PPARG: variants seen among roughly 807,000 people sequenced by gnomAD.
PPARG encodes peroxisome proliferator activated receptor gamma, also known as peroxisome proliferator-activated receptor gamma.
A neutral mutation model predicts 39.2 loss-of-function variants in PPARG; 17 were observed. The observed-to-expected ratio is 0.43, with a 90% confidence interval of 0.30 to 0.65. The LOEUF is 0.65. Among genes scored for constraint, PPARG ranks in the 30% least tolerant of loss-of-function variants. PPARG has a pLI of 0.13. For missense variants in PPARG, 406 were observed against 585.9 expected (o/e 0.69, Z 3.17); for synonymous variants, 223 against 215.7 (o/e 1.03, Z -0.30).
At chr3:12,396,965 A>G (rs2050285524) in intron 5 of PPARG, among the ~76,000 whole-genome samples, 1 of 149,336 alleles carries the variant, frequency 6.7e-6, no homozygotes, top group Non-Finnish European at 1.5e-5. Flanking sequence ...GGAGTTGCTG[A>G]AACTATAGGC....
At chr3:12,322,078 G>A (rs950401049) in intron 2 of PPARG, among the ~76,000 whole-genome samples, 2 of 152,172 alleles carry the variant, frequency 1.3e-5, no homozygotes, top group Non-Finnish European at 2.9e-5. Context: ...TGAGAGATAT[G>A]CATTTACAAT....
intron 4 of PPARG, among the ~76,000 whole-genome samples, chr3:12,382,385 A>G (rs1193401800): frequency 1.3e-5 from 2 of 152,220 alleles, no homozygotes; most frequent in African/African-American, 2.4e-5. Context: ...GATAATTTTA[A>G]TATACACAAT....
intron 1 of PPARG, among the ~76,000 whole-genome samples, chr3:12,299,164 A>G (rs912096102): frequency 6.6e-6 from 1 of 152,168 alleles, no homozygotes; most frequent in Non-Finnish European, 1.5e-5. Context: ...GATTTATTCA[A>G]CAAATGTCTA....
chr3:12,341,647 A>C (rs2048186758), intron 2 of PPARG, among the ~76,000 whole-genome samples: 1 of 152,176 alleles, frequency 6.6e-6, no homozygotes, highest in Non-Finnish European at 1.5e-5. Context: ...ATCTCTACAA[A>C]AACATACAAA....
intron 4 of PPARG, among the ~76,000 whole-genome samples, chr3:12,385,235 A>G (rs757046454): frequency 2.6e-5 from 4 of 152,218 alleles, no homozygotes; most frequent in Non-Finnish European, 5.9e-5. Flanking sequence ...ATTAAAATAC[A>G]GTTGACCACA....
At chr3:12,398,597 A>C (rs1575114235) in intron 5 of PPARG, among the ~76,000 whole-genome samples, 1 of 152,204 alleles carries the variant, frequency 6.6e-6, no homozygotes, top group East Asian at 1.9e-4. Context: ...CACACTAGGG[A>C]CCACAGAATA....
chr3:12,303,175 G>A (rs2046972076), intron 1 of PPARG, among the ~76,000 whole-genome samples: 1 of 152,078 alleles, frequency 6.6e-6, no homozygotes, highest in African/African-American at 2.4e-5. Context: ...AATGAGTGGA[G>A]TTGATGACTG....
intron 1 of PPARG, among the ~76,000 whole-genome samples, chr3:12,297,184 A>G (rs975464370): frequency 3.9e-5 from 6 of 152,230 alleles, no homozygotes; most frequent in Admixed American, 2.0e-4. Flanking sequence ...AAATTATGGT[A>G]TAATCAATAG....
At chr3:12,358,196 T>C (rs1049252642) in intron 2 of PPARG, among the ~76,000 whole-genome samples, 2 of 152,224 alleles carry the variant, frequency 1.3e-5, no homozygotes, top group African/African-American at 4.8e-5. Flanking sequence ...GTTTGTGAGT[T>C]ACCCAAATCC....
chr3:12,433,503 A>C (rs1575163254), intron 7 of PPARG, among the ~76,000 whole-genome samples: 2 of 149,912 alleles, frequency 1.3e-5, no homozygotes, highest in South Asian at 4.2e-4. Flanking sequence ...ATGCCACTGC[A>C]CTCCAGCCTG....
chr3:12,307,782 T>C (rs2047112649), intron 1 of PPARG, among the ~76,000 whole-genome samples: 1 of 152,220 alleles, frequency 6.6e-6, no homozygotes, highest in Admixed American at 6.5e-5. Flanking sequence ...TTTTCTTTAA[T>C]GTATTTTGAA....
rs80068697 is a variant in PPARG at position 12,430,580 on chromosome 3, G to C, written c.1181-3318G>C. ...TATGACCTCATGGGGTTATTGTGAA[G>C]ATTAAATGGCATATCGTATATAAGG... On this transcript the variant is annotated intron_variant, in intron 7 of 7. Coordinates refer to ENST00000651735, the MANE Select transcript of PPARG (RefSeq NM_138711.6). Among the ~76,000 whole-genome samples, 942 of 152,310 alleles carry C rather than the reference G, an allele frequency of 6.2e-3. 1 individual carries two copies. The highest frequency in any genetic ancestry group is 0.011 in the Non-Finnish European group (726 of 68,020).
At chr3:12,398,012 A>G (rs1284835859) in intron 5 of PPARG, among the ~76,000 whole-genome samples, 1 of 152,082 alleles carries the variant, frequency 6.6e-6, no homozygotes, top group Non-Finnish European at 1.5e-5. Flanking sequence ...TTCCTTGTGG[A>G]AATTCTTCCT....
chr3:12,328,238 C>A, intron 2 of PPARG: 1 of 1,531,366 alleles, frequency 6.5e-7, no homozygotes, highest in Non-Finnish European at 8.9e-7. Context: ...AAGCTGAGAA[C>A]AACATCCGGG....
chr3:12,387,720 A>C (rs1201241735), intron 4 of PPARG, among the ~76,000 whole-genome samples: 4 of 152,136 alleles, frequency 2.6e-5, no homozygotes, highest in Non-Finnish European at 2.9e-5. Flanking sequence ...TCTTTAGTTT[A>C]ATTAGATCCC....
At chr3:12,333,774 A>T (rs990771997) in intron 2 of PPARG, among the ~76,000 whole-genome samples, 1 of 152,164 alleles carries the variant, frequency 6.6e-6, no homozygotes, top group Non-Finnish European at 1.5e-5. Context: ...GACTTTGTTC[A>T]TACGACATTA....
intron 1 of PPARG, among the ~76,000 whole-genome samples, chr3:12,295,054 T>C (rs768169197): frequency 1.2e-4 from 18 of 152,318 alleles, no homozygotes; most frequent in Non-Finnish European, 2.5e-4. Flanking sequence ...AGCAGTTAGG[T>C]ATGGGCTACC....
chr3:12,421,247 T>C (rs2051249944), intron 7 of PPARG, among the ~76,000 whole-genome samples: 1 of 152,226 alleles, frequency 6.6e-6, no homozygotes, highest in South Asian at 2.1e-4. Flanking sequence ...CTATTCACTA[T>C]ATCCCTAAGG....
chr3:12,400,109 A>G (rs1489094419), intron 5 of PPARG, among the ~76,000 whole-genome samples: 1 of 152,172 alleles, frequency 6.6e-6, no homozygotes, highest in African/African-American at 2.4e-5. Context: ...TAGCCTTACT[A>G]TTTTTCAAAA....
Sources: gnomAD v4.1 joint callset for allele counts (sites outside exome capture counted in the v4.1 genomes callset) on GRCh38, gnomAD v4.1.1 for gene constraint, MANE v1.5 for transcripts, NCBI Gene and HGNC (gene_info 2026-07-23, HGNC 2026-07-21) for gene names.